KIAA1217: variants seen among roughly 807,000 people sequenced by gnomAD.
KIAA1217 encodes the protein KIAA1217.
Under a neutral mutation model 163.9 loss-of-function variants are expected in KIAA1217, and 88 were observed. The ratio of observed to expected loss-of-function variants is 0.54; its 90% CI spans 0.45 to 0.64. The LOEUF (loss-of-function observed/expected upper bound fraction) is 0.64, where lower values mean the gene tolerates loss of function less well. Ranked by LOEUF, KIAA1217 falls within the 30% of genes least tolerant of loss-of-function variation. The pLI is 0.00. For synonymous variants in KIAA1217, 903 were observed against 923.1 expected, an observed-to-expected ratio of 0.98 and a Z score of 0.39; for missense variants, 2,372 against 2,475.0, an observed-to-expected ratio of 0.96 and a Z score of 0.88.
chr10:23,850,396 T>A (rs1416500878), intron 1 of KIAA1217, among the ~76,000 whole-genome samples: 1 of 152,100 alleles, frequency 6.6e-6, no homozygotes, highest in African/African-American at 2.4e-5. Flanking sequence ...AACACTATTT[T>A]AATGAGAATT....
chr10:23,702,369 A>G (rs1836516220), intron 1 of KIAA1217, among the ~76,000 whole-genome samples: 1 of 152,160 alleles, frequency 6.6e-6, no homozygotes, highest in Non-Finnish European at 1.5e-5. Context: ...TAGTTCATAA[A>G]CACATTTTAT....
At chr10:24,199,139 T>C (rs1322119756) in intron 2 of KIAA1217, among the ~76,000 whole-genome samples, 2 of 152,214 alleles carry the variant, frequency 1.3e-5, no homozygotes, top group East Asian at 3.9e-4. Context: ...GGAGGACCAC[T>C]TGAGCCCAGG....
intron 1 of KIAA1217, among the ~76,000 whole-genome samples, chr10:23,735,098 T>G (rs1838719914): frequency 6.6e-6 from 1 of 152,194 alleles, no homozygotes; most frequent in South Asian, 2.1e-4. Context: ...TTATGAATAT[T>G]GCTATAGGTG....
chr10:23,802,158 C>T (rs141794304), intron 1 of KIAA1217, among the ~76,000 whole-genome samples: 224 of 152,256 alleles, frequency 1.5e-3, no homozygotes, highest in South Asian at 8.7e-3. Flanking sequence ...AGGGCAGATA[C>T]ATGAGCTTGT....
chr10:24,357,539 C>A (rs1258227220), intron 2 of KIAA1217, among the ~76,000 whole-genome samples: 1 of 152,166 alleles, frequency 6.6e-6, no homozygotes, highest in Non-Finnish European at 1.5e-5. Context: ...GCAGCACACC[C>A]GCAGGCAGCT....
chr10:23,904,578 T>C (rs1003368582), intron 1 of KIAA1217, among the ~76,000 whole-genome samples: 4 of 152,136 alleles, frequency 2.6e-5, no homozygotes, highest in African/African-American at 9.6e-5. Flanking sequence ...ATCAGAGTCA[T>C]GGCAGCAGGG....
intron 1 of KIAA1217, among the ~76,000 whole-genome samples, chr10:23,975,003 C>CA (rs1416376167): frequency 1.3e-5 from 2 of 152,026 alleles, no homozygotes; most frequent in Non-Finnish European, 2.9e-5. Flanking sequence ...CAGCTAATTT[C>CA]AGAGTTTTAG....
intron 1 of KIAA1217, among the ~76,000 whole-genome samples, chr10:23,768,166 C>T (rs958407326): frequency 2.6e-5 from 4 of 152,190 alleles, no homozygotes; most frequent in Non-Finnish European, 5.9e-5. Context: ...CTGGCCAATA[C>T]GATTTTCAAC....
chr10:23,807,047 C>T (rs75611894), intron 1 of KIAA1217, among the ~76,000 whole-genome samples: 10,297 of 152,250 alleles, frequency 0.068, 490 homozygotes, highest in Middle Eastern at 0.11. Flanking sequence ...CTAAAGAGGG[C>T]AGAGCAAATG....
intron 2 of KIAA1217, among the ~76,000 whole-genome samples, chr10:24,126,182 GCT>G (rs1222687619): frequency 2.0e-5 from 3 of 151,978 alleles, no homozygotes; most frequent in Admixed American, 1.3e-4. Context: ...TTTGTTTTAT[GCT>G]CTCTGTTTCT....
chr10:23,934,689 C>T (rs192795197), intron 1 of KIAA1217, among the ~76,000 whole-genome samples: 144 of 145,660 alleles, frequency 9.9e-4, no homozygotes, highest in African/African-American at 3.4e-3. Context: ...ACAATTTCGG[C>T]TCACTGCAAG....
intron 2 of KIAA1217, among the ~76,000 whole-genome samples, chr10:24,175,432 GGTGTATATATATGT>G (rs1480455869): frequency 7.5e-6 from 1 of 133,012 alleles, no homozygotes; most frequent in Non-Finnish European, 1.6e-5. Context: ...GTTATTCCAT[GGTGTATATATATGT>G]GTGTGTGTGT....
chr10:24,386,717 G>C (rs2054060416), intron 3 of KIAA1217, among the ~76,000 whole-genome samples: 1 of 152,070 alleles, frequency 6.6e-6, no homozygotes, highest in Admixed American at 6.6e-5. Flanking sequence ...GGGACTACAA[G>C]TGCACACCAC....
chr10:24,236,586 G>A (rs760074624), intron 2 of KIAA1217, among the ~76,000 whole-genome samples: 2 of 151,538 alleles, frequency 1.3e-5, no homozygotes, highest in African/African-American at 2.4e-5. Context: ...AAATAGTTAA[G>A]TCTAACCTCT....
At chr10:24,113,450 T>A (rs970598999) in intron 2 of KIAA1217, among the ~76,000 whole-genome samples, 12 of 152,298 alleles carry the variant, frequency 7.9e-5, no homozygotes, top group African/African-American at 2.6e-4. Flanking sequence ...GTAGAAAAGC[T>A]TTTTAAGGAA....
intron 11 of KIAA1217, among the ~76,000 whole-genome samples, chr10:24,520,689 A>ACACACTCAC (rs763777354): frequency 9.7e-6 from 1 of 103,158 alleles, no homozygotes; most frequent in African/African-American, 4.3e-5. Flanking sequence ...CACACACACA[A>ACACACTCAC]AAAAAAATTA....
intron 3 of KIAA1217, among the ~76,000 whole-genome samples, chr10:24,423,923 C>G (rs112929492): frequency 0.011 from 1,617 of 152,252 alleles, 25 homozygotes; most frequent in African/African-American, 0.037. Flanking sequence ...TAGAGACTCT[C>G]AAAGTCTTAC....
intron 5 of KIAA1217, among the ~76,000 whole-genome samples, chr10:24,446,843 C>T (rs996851333): frequency 6.6e-6 from 1 of 152,170 alleles, no homozygotes. Flanking sequence ...TGTGCTTGCT[C>T]AAAGCTACCC....
intron 1 of KIAA1217, among the ~76,000 whole-genome samples, chr10:24,005,517 T>TGC (rs1846953600): frequency 6.6e-6 from 1 of 152,172 alleles, no homozygotes; most frequent in Non-Finnish European, 1.5e-5. Flanking sequence ...GATCCCAGAC[T>TGC]TTGAAGTCAC....
Sources: allele counts gnomAD v4.1 joint callset (sites outside exome capture counted in the v4.1 genomes callset), GRCh38; gene constraint gnomAD v4.1.1; transcripts MANE v1.5; gene names NCBI Gene and HGNC (gene_info 2026-07-23, HGNC 2026-07-21).